ARID5B: variants seen among roughly 807,000 people sequenced by gnomAD.
ARID5B encodes the protein AT-rich interaction domain 5B.
Under a neutral mutation model 97.2 loss-of-function variants are expected in ARID5B, and 13 were observed. The observed-to-expected ratio is 0.13, with a 90% CI of 0.09 to 0.21. ARID5B has a LOEUF of 0.21. ARID5B is among the 10% of genes least tolerant of loss of function. The pLI is 1.00. For synonymous variants in ARID5B, 556 were observed against 570.3 expected (o/e 0.97, Z 0.36); for missense variants, 1,210 against 1,465.3 (o/e 0.83, Z 2.84).
chr10:62,006,310 C>T (rs988000013), intron 4 of ARID5B, among the ~76,000 whole-genome samples: 2 of 152,010 alleles, frequency 1.3e-5, no homozygotes, highest in South Asian at 2.1e-4. Flanking sequence ...GGCGTGGTGG[C>T]GAGCACCTGT....
intron 4 of ARID5B, among the ~76,000 whole-genome samples, chr10:62,036,166 A>G (rs769904108): frequency 5.3e-5 from 8 of 152,154 alleles, no homozygotes; most frequent in Non-Finnish European, 1.0e-4. Context: ...GAGGGAGAAA[A>G]GCTAAAAAAG....
chr10:62,070,574 T>C (rs1840050586), intron 8 of ARID5B, among the ~76,000 whole-genome samples: 1 of 152,232 alleles, frequency 6.6e-6, no homozygotes, highest in Admixed American at 6.5e-5. Flanking sequence ...ACCATTTAAC[T>C]CATCAATTCT....
At position 62,000,113 on chromosome 10, in the gene ARID5B, C is replaced by T. The variant is rs774347986; in HGVS notation, c.525C>T (p.Asn175=). ...ADLGEDEEET[N]VIVLSYPQYC... is the part of the protein sequence containing the mutation. ...TAGGGGAGGACGAGGAAGAAACGAACGTGATAGTTCTCAGCTACCCCCAGT... is the reference window on the plus strand; with the variant it reads ...TAGGGGAGGACGAGGAAGAAACGAATGTGATAGTTCTCAGCTACCCCCAGT... Residue 175 remains asparagine (N), a synonymous_variant, in exon 4 of 10, where the codon AAC becomes AAT. Transcript: ENST00000279873. This position sits in a 1 kb window ranked among gnomAD's most constrained non-coding sequence, Gnocchi z 4.4. The T allele has an allele frequency of 2.5e-5, 41 of 1,613,882 alleles. No individual in the cohort carries two copies. Among genetic ancestry groups the T allele is most frequent in the Non-Finnish European group, 3.5e-5 (41 of 1,179,864 alleles).
chr10:61,966,971 G>T (rs969334820), intron 3 of ARID5B, among the ~76,000 whole-genome samples: 11 of 151,992 alleles, frequency 7.2e-5, no homozygotes, highest in Non-Finnish European at 1.0e-4. Flanking sequence ...CTCACTAGCA[G>T]TACTCTGTAT....
intron 2 of ARID5B, among the ~76,000 whole-genome samples, chr10:61,913,981 C>A (rs1286566506): frequency 1.3e-5 from 2 of 152,154 alleles, no homozygotes; most frequent in African/African-American, 4.8e-5. Flanking sequence ...GAACTCCCGA[C>A]CTCAGGTGAT....
intron 4 of ARID5B, among the ~76,000 whole-genome samples, chr10:62,011,798 A>C (rs939103671): frequency 2.4e-4 from 37 of 152,172 alleles, no homozygotes; most frequent in African/African-American, 8.7e-4. Flanking sequence ...CAGAGTAGTG[A>C]ATGAAGCTAA....
intron 7 of ARID5B, among the ~76,000 whole-genome samples, chr10:62,060,305 A>G (rs1213310876): frequency 6.6e-6 from 1 of 152,210 alleles, no homozygotes; most frequent in Non-Finnish European, 1.5e-5. Context: ...GAAAGAGGAC[A>G]AGCATTATGT....
In ARID5B at chr10:62,012,791, T is replaced by C. The variant is rs572163283; in HGVS notation, c.733+12470T>C. Among the ~76,000 whole-genome samples, 3 of 152,340 alleles carry C rather than the reference T, an allele frequency of 2.0e-5. No individual in the cohort carries two copies. The South Asian group carries it at 6.2e-4, about 32-fold the overall frequency. On this transcript the variant is annotated intron_variant, in intron 4 of 9. Coordinates refer to ENST00000279873, the MANE Select transcript of ARID5B (RefSeq NM_032199.3). ...TTTCTAGTTATTATAAAGCAAACAT[T>C]TCCCCATATTCTTATAAACATTTTA...
At chr10:62,063,745 T>C (rs1839952163) in intron 7 of ARID5B, among the ~76,000 whole-genome samples, 1 of 152,230 alleles carries the variant, frequency 6.6e-6, no homozygotes, top group South Asian at 2.1e-4. Flanking sequence ...ACCCAACTTT[T>C]CCTTCCAAAC....
At chr10:61,979,099 A>G (rs1838741221) in intron 3 of ARID5B, among the ~76,000 whole-genome samples, 1 of 152,180 alleles carries the variant, frequency 6.6e-6, no homozygotes, top group Non-Finnish European at 1.5e-5. Flanking sequence ...GCTCATCGGG[A>G]GAATTCCACG....
chr10:62,049,338 G>T (rs1426695226), intron 4 of ARID5B: 5 of 1,525,932 alleles, frequency 3.3e-6, no homozygotes, highest in East Asian at 2.5e-5. Context: ...TGTAAGCAGA[G>T]CGCTGAGCCT....
chr10:62,091,155 C>G lies in ARID5B; in HGVS notation c.1692C>G (p.Leu564=). ...ALVPGASKQP[L]TSPSALVDSK... ...TCCCTGGGGCCAGCAAACAGCCACT[C>G]ACCTCTCCTAGTGCCCTGGTGGACT... The change falls in exon 10 of 10, where the codon CTC becomes CTG. Residue 564 remains leucine, a synonymous_variant. Transcript: ENST00000279873. The G allele has an allele frequency of 6.2e-7, 1 of 1,614,182 alleles. No individual in the cohort carries two copies. Among genetic ancestry groups the G allele is most frequent in the Non-Finnish European group, 8.5e-7 (1 of 1,180,036 alleles).
chr10:61,923,911 T>C (rs192561618), intron 2 of ARID5B, among the ~76,000 whole-genome samples: 154 of 152,304 alleles, frequency 1.0e-3, no homozygotes, highest in Non-Finnish European at 8.8e-4. Flanking sequence ...TGAATTGAGT[T>C]TGGGAAAAGC....
intron 4 of ARID5B, among the ~76,000 whole-genome samples, chr10:62,022,102 A>G (rs370207345): frequency 1.3e-5 from 2 of 152,326 alleles, no homozygotes; most frequent in East Asian, 1.9e-4. Flanking sequence ...TACAATTCAT[A>G]TAAGTGGAGC....
Position 62,092,717 on chromosome 10 carries a change from G to A in ARID5B, c.3254G>A (p.Ser1085Asn), listed in dbSNP as rs761478562. ...SPIFPGLYSG[S>N]LCNSGLNSRL... ...ATCTTCCCAGGTCTGTATTCCGGGAGCCTGTGTAACTCGGGCCTCAACTCC... is the reference window on the plus strand; with the variant it reads ...ATCTTCCCAGGTCTGTATTCCGGGAACCTGTGTAACTCGGGCCTCAACTCC... Residue 1085 changes from serine to asparagine, a missense_variant, in exon 10 of 10, where the codon AGC becomes AAC. This residue lies in a region of ARID5B where 800 missense variants were observed against 839.1 expected (regional missense o/e 0.95). Transcript: ENST00000279873. 1.5e-5 allele frequency: 25 copies of A among 1,614,012 alleles called. No individual in the cohort carries two copies. Among genetic ancestry groups the A allele is most frequent in the Non-Finnish European group, 2.1e-5 (25 of 1,180,036 alleles).
intron 3 of ARID5B, among the ~76,000 whole-genome samples, chr10:61,983,829 T>C (rs940006551): frequency 1.3e-5 from 2 of 151,436 alleles, no homozygotes; most frequent in Non-Finnish European, 2.9e-5. Context: ...ATGAACCCAG[T>C]CATAATCCAA....
At chr10:61,954,398 A>G (rs191876071) in intron 3 of ARID5B, among the ~76,000 whole-genome samples, 1 of 151,994 alleles carries the variant, frequency 6.6e-6, no homozygotes, top group Non-Finnish European at 1.5e-5. Context: ...AAATAAAATT[A>G]TATATATAAA....
chr10:62,058,926 G>A (rs78805002), intron 6 of ARID5B, among the ~76,000 whole-genome samples: 3,895 of 152,278 alleles, frequency 0.026, 64 homozygotes, highest in Middle Eastern at 0.041. Context: ...GAGAGCCCAT[G>A]CTTTTTCCCA....
intron 3 of ARID5B, among the ~76,000 whole-genome samples, chr10:61,975,450 A>G (rs1311060803): frequency 2.0e-5 from 3 of 152,322 alleles, no homozygotes; most frequent in African/African-American, 7.2e-5. Context: ...CAGTTGTGAC[A>G]GAGGAGAAAG....
Sources: allele counts gnomAD v4.1 joint callset (sites outside exome capture counted in the v4.1 genomes callset), GRCh38; gene constraint gnomAD v4.1.1; regional missense constraint gnomAD v4.1.1; non-coding constraint Gnocchi (gnomAD v3.1); transcripts MANE v1.5; gene names NCBI Gene and HGNC (gene_info 2026-07-23, HGNC 2026-07-21).